The following SUN1 variants were observed in gnomAD, a reference collection of about 807,000 sequenced individuals.
SUN1 encodes the protein Sad1 and UNC84 domain containing 1.
Under a neutral mutation model 103.2 loss-of-function variants are expected in SUN1, and 61 were observed. The ratio of observed to expected loss-of-function variants is 0.59; its 90% CI spans 0.48 to 0.73. The LOEUF (loss-of-function observed/expected upper bound fraction) is 0.73, where lower values mean the gene tolerates loss of function less well. SUN1 is among the 30% of genes least tolerant of loss of function. The pLI is 0.00. For synonymous variants in SUN1, 490 were observed against 425.7 expected (o/e 1.15, Z -1.86); for missense variants, 1,052 against 1,034.6 (o/e 1.02, Z -0.23).
Position 851,379 on chromosome 7 carries a change from C to T in SUN1, c.659-5C>T. 1 of 1,593,500 alleles carries T rather than the reference C, an allele frequency of 6.3e-7. No individual in the cohort carries two copies. The highest frequency in any genetic ancestry group is 8.5e-7 in the Non-Finnish European group (1 of 1,169,862). On this transcript the variant is annotated splice_region_variant and splice_polypyrimidine_tract_variant and intron_variant, in intron 5 of 18. Transcript: ENST00000401592. ...TCTGAGGCCACACACGTCTTCCCTG[C>T]ACAGGTTACTTCTTGCTGCAGATTC...
chr7:854,877 CTT>C, intron 10 of SUN1, 41 bp from the exon 11 acceptor site: 1 of 1,500,268 alleles, frequency 6.7e-7, no homozygotes, highest in Non-Finnish European at 9.2e-7. Flanking sequence ...GTTTTTGTTG[CTT>C]AACTTTCTCC....
chr7:822,954 G>A (rs1248342930), intron 1 of SUN1, among the ~76,000 whole-genome samples: 1 of 151,892 alleles, frequency 6.6e-6, no homozygotes, highest in Non-Finnish European at 1.5e-5. Flanking sequence ...GGCCACCCGT[G>A]AATTCCCACA....
At chr7:826,848 T>C (rs994740162) in intron 1 of SUN1, among the ~76,000 whole-genome samples, 1 of 152,192 alleles carries the variant, frequency 6.6e-6, no homozygotes, top group Non-Finnish European at 1.5e-5. Flanking sequence ...CCATTGTTCA[T>C]GAGTGTTTCG....
chr7:823,527 G>T (rs928676277), intron 1 of SUN1, among the ~76,000 whole-genome samples: 9 of 152,094 alleles, frequency 5.9e-5, no homozygotes, highest in Non-Finnish European at 1.2e-4. Context: ...TAAATGGGTG[G>T]GGAGGAGAGG....
chr7:855,463 C>T (rs575662600), intron 11 of SUN1, among the ~76,000 whole-genome samples: 1 of 152,382 alleles, frequency 6.6e-6, no homozygotes, highest in African/African-American at 2.4e-5. Flanking sequence ...GGCCTCTGTG[C>T]TGCCCTCAGC....
chr7:834,310 G>C (rs1222489518), intron 1 of SUN1, among the ~76,000 whole-genome samples: 1 of 152,230 alleles, frequency 6.6e-6, no homozygotes, highest in Non-Finnish European at 1.5e-5. Flanking sequence ...CTCTGAGGTT[G>C]CTGCAGGATA....
rs1378401176 is a variant in SUN1, at chr7:860,318, T to G, written c.1715T>G (p.Leu572Arg). 1 of 1,614,206 alleles carries G rather than the reference T, an allele frequency of 6.2e-7. No individual in the cohort carries two copies. ...VTHHVSVTKQ[L>R]PTSEAVVSAV... Reference sequence around the variant, plus strand: ...CACCACGTTTCCGTGACCAAGCAGCTCCCAACCTCAGAAGCCGTGGTGTCT... The same window carrying G: ...CACCACGTTTCCGTGACCAAGCAGCGCCCAACCTCAGAAGCCGTGGTGTCT... The change falls in exon 14 of 19, where the codon CTC becomes CGC. Residue 572 changes from leucine to arginine, a missense_variant. Coordinates refer to ENST00000401592, the MANE Select transcript of SUN1 (RefSeq NM_001130965.3).
At chr7:854,541 C>T (rs748257217) in intron 10 of SUN1, among the ~76,000 whole-genome samples, 37 of 152,192 alleles carry the variant, frequency 2.4e-4, no homozygotes, top group Non-Finnish European at 5.0e-4. Flanking sequence ...GCCCGAGGGG[C>T]GCTGGATGGC....
chr7:854,064 G>A (rs546577899), intron 10 of SUN1, among the ~76,000 whole-genome samples: 4 of 152,342 alleles, frequency 2.6e-5, no homozygotes, highest in Admixed American at 6.5e-5. Context: ...CAGGGATCGC[G>A]TGGGGGGACC....
intron 1 of SUN1, among the ~76,000 whole-genome samples, chr7:819,820 C>T (rs994662636): frequency 2.6e-5 from 4 of 151,832 alleles, no homozygotes; most frequent in East Asian, 1.9e-4. Context: ...ACGCTTCTCC[C>T]GCCTCAGCCT....
intron 1 of SUN1, among the ~76,000 whole-genome samples, chr7:821,084 T>C (rs1457980007): frequency 6.6e-6 from 1 of 151,696 alleles, no homozygotes; most frequent in Admixed American, 6.6e-5. Context: ...CAATGAAATA[T>C]GCCTTTAAAA....
chr7:834,292 G>T (rs901736637), intron 1 of SUN1, among the ~76,000 whole-genome samples: 21 of 152,302 alleles, frequency 1.4e-4, no homozygotes, highest in Non-Finnish European at 2.4e-4. Flanking sequence ...ATTTAAAGGT[G>T]GGGGGCTCTC....
chr7:870,221 A>AAAT (rs1840503274), intron 17 of SUN1, among the ~76,000 whole-genome samples: 1 of 151,110 alleles, frequency 6.6e-6, no homozygotes, highest in South Asian at 2.1e-4. Context: ...AAAAAAAAAA[A>AAAT]AATTACAGTT....
chr7:871,908 G>A (rs1404192396), intron 17 of SUN1, among the ~76,000 whole-genome samples: 6 of 152,340 alleles, frequency 3.9e-5, no homozygotes, highest in Middle Eastern at 6.8e-3. Context: ...GTTAAGCCCA[G>A]TCACACTGTT....
At chr7:859,094 A>G (rs951974377) in intron 13 of SUN1, among the ~76,000 whole-genome samples, 5 of 151,606 alleles carry the variant, frequency 3.3e-5, no homozygotes, top group Non-Finnish European at 5.9e-5. Flanking sequence ...TGGAGGTTGC[A>G]GCGAGCCAAG....
intron 5 of SUN1, among the ~76,000 whole-genome samples, chr7:845,572 T>G (rs1304116144): frequency 6.6e-6 from 1 of 152,190 alleles, no homozygotes; most frequent in Non-Finnish European, 1.5e-5. Context: ...AAATTTCCCC[T>G]CTGCATACTT....
At chr7:842,183 G>C in intron 3 of SUN1, 53 bp downstream of exon 3, 1 of 1,586,174 alleles carries the variant, frequency 6.3e-7, no homozygotes, top group Non-Finnish European at 8.6e-7. Context: ...GTGTTTCTCA[G>C]ATTATGCTGG....
At chr7:827,615 G>A (rs1018038866), upstream of SUN1, among the ~76,000 whole-genome samples, 3 of 149,644 alleles carry the variant, frequency 2.0e-5, no homozygotes, top group South Asian at 2.1e-4. Flanking sequence ...GACTACAGGT[G>A]CCCGCCACCA....
At chr7:859,442 G>C (rs191867636) in intron 13 of SUN1, among the ~76,000 whole-genome samples, 6 of 152,254 alleles carry the variant, frequency 3.9e-5, no homozygotes, top group East Asian at 3.9e-4. Context: ...AGAAATAAAG[G>C]CACCAGTACA....
Sources: gnomAD v4.1 joint callset for allele counts (sites outside exome capture counted in the v4.1 genomes callset) on GRCh38, gnomAD v4.1.1 for gene constraint, MANE v1.5 for transcripts, NCBI Gene and HGNC (gene_info 2026-07-23, HGNC 2026-07-21) for gene names.